The following RHOBTB3 variants were observed in gnomAD, a reference collection of about 807,000 sequenced individuals.
The protein encoded by RHOBTB3 is rho-related BTB domain-containing protein 3.
RHOBTB3 carries 47 observed loss-of-function variants against 67.2 expected under a neutral mutation model. The ratio of observed to expected loss-of-function variants is 0.70; its 90% CI spans 0.55 to 0.89. The LOEUF (loss-of-function observed/expected upper bound fraction) is 0.89. Among genes scored for constraint, RHOBTB3 ranks in the 40% least tolerant of loss-of-function variants. The pLI is 0.00. For synonymous variants in RHOBTB3, 273 were observed against 274.2 expected (o/e 1.00, Z 0.04); for missense variants, 631 against 750.0 (o/e 0.84, Z 1.85).
intron 1 of RHOBTB3, among the ~76,000 whole-genome samples, chr5:95,724,969 A>G (rs1354915110): frequency 6.6e-6 from 1 of 152,094 alleles, no homozygotes; most frequent in African/African-American, 2.4e-5. Flanking sequence ...GAGAGAATCA[A>G]TTGAGTCTAG....
At position 95,796,149 on chromosome 5, in the gene RHOBTB3, G is replaced by A. The variant is rs1284119381; in HGVS notation, c.*2975G>A. 1 of 152,160 alleles carries A rather than the reference G, an allele frequency of 6.6e-6. No homozygotes were observed. Among genetic ancestry groups the A allele is most frequent in the African/African-American group, 2.4e-5 (1 of 41,448 alleles). 9.4% of individuals were successfully genotyped at this position (152,160 alleles called of 1,614,324 possible). ...TCCAAGACAGCTAAACTTTTCAACT[G>A]CAATTTTAAAAACTACACTACACTG... On this transcript the variant is annotated 3_prime_UTR_variant, in exon 12 of 12. Transcript: ENST00000379982.
chr5:95,749,302 T>C (rs1423990338), intron 4 of RHOBTB3, among the ~76,000 whole-genome samples: 1 of 152,256 alleles, frequency 6.6e-6, no homozygotes, highest in Non-Finnish European at 1.5e-5. Context: ...CACCAAGTAC[T>C]CTTTCCAATA....
intron 6 of RHOBTB3, among the ~76,000 whole-genome samples, chr5:95,762,248 A>G (rs1048399577): frequency 6.6e-6 from 1 of 152,216 alleles, no homozygotes; most frequent in African/African-American, 2.4e-5. Flanking sequence ...GGAGAAGTTG[A>G]AAGGATATGC....
intron 7 of RHOBTB3, among the ~76,000 whole-genome samples, chr5:95,765,951 C>G (rs1447215923): frequency 1.3e-5 from 2 of 152,246 alleles, no homozygotes; most frequent in Middle Eastern, 3.4e-3. Context: ...CATGAGCCAC[C>G]GTGCCCAGCC....
chr5:95,752,078 C>A (rs1199888055), intron 4 of RHOBTB3, among the ~76,000 whole-genome samples, 161 bp from the exon 5 acceptor site: 1 of 152,176 alleles, frequency 6.6e-6, no homozygotes, highest in African/African-American at 2.4e-5. Flanking sequence ...CCACTCGATT[C>A]ATTTTTTAAA....
At chr5:95,766,612 AAG>A (rs1745550670) in intron 7 of RHOBTB3, among the ~76,000 whole-genome samples, 1 of 151,534 alleles carries the variant, frequency 6.6e-6, no homozygotes, top group South Asian at 2.1e-4. Context: ...AAAAAAAAAA[AAG>A]AGAAAGAAAG....
chr5:95,775,800 CAA>C (rs956023067), intron 8 of RHOBTB3, among the ~76,000 whole-genome samples: 4 of 146,044 alleles, frequency 2.7e-5, no homozygotes, highest in African/African-American at 1.0e-4. Flanking sequence ...TACACCAAAC[CAA>C]AAAAAAAATT....
chr5:95,742,571 T>C (rs1395058792), intron 3 of RHOBTB3, among the ~76,000 whole-genome samples: 2 of 152,240 alleles, frequency 1.3e-5, no homozygotes, highest in African/African-American at 4.8e-5. Context: ...TTTATCTTTC[T>C]TTTATATTTC....
intron 1 of RHOBTB3, 77 bp from the exon 2 acceptor site, chr5:95,731,782 C>A: frequency 6.2e-7 from 1 of 1,603,718 alleles, no homozygotes; most frequent in Non-Finnish European, 8.5e-7. Flanking sequence ...GCGCTGTCCC[C>A]CGCACTTCCT....
At position 95,763,639 on chromosome 5, in the gene RHOBTB3, AG is replaced by A; in HGVS notation, c.1161+20del. On this transcript the variant is annotated intron_variant, in intron 7 of 11. Coordinates refer to ENST00000379982, the MANE Select transcript of RHOBTB3 (RefSeq NM_014899.4). ...AGGAAAGGTAAGTTGATTTGTTGTA[AG>A]TTAGTTTACTTTGACCCTCTGAATT... The A allele has an allele frequency of 1.4e-6, 2 of 1,439,208 alleles. No homozygotes were observed. The highest frequency in any genetic ancestry group is 2.0e-6 in the Non-Finnish European group (2 of 1,022,088). 89.2% of individuals were successfully genotyped at this position (1,439,208 alleles called of 1,614,324 possible).
At chr5:95,758,595 G>A (rs771801130) in intron 6 of RHOBTB3, among the ~76,000 whole-genome samples, 3 of 152,162 alleles carry the variant, frequency 2.0e-5, no homozygotes, top group Admixed American at 6.5e-5. Context: ...GGAACAGTGC[G>A]GCCAAGACAG....
At chr5:95,768,376 G>A (rs973448093) in intron 8 of RHOBTB3, among the ~76,000 whole-genome samples, 1 of 152,072 alleles carries the variant, frequency 6.6e-6, no homozygotes, top group African/African-American at 2.4e-5. Flanking sequence ...ATTTCCCTTA[G>A]TATTTTTTCC....
chr5:95,728,276 A>G (rs1755118700), upstream of RHOBTB3, among the ~76,000 whole-genome samples: 1 of 152,200 alleles, frequency 6.6e-6, no homozygotes, highest in East Asian at 1.9e-4. Flanking sequence ...CTGCTTTAAT[A>G]TAGAAACCTT....
At chr5:95,759,969 A>G (rs893031204) in intron 6 of RHOBTB3, among the ~76,000 whole-genome samples, 2 of 151,710 alleles carry the variant, frequency 1.3e-5, no homozygotes, top group Non-Finnish European at 2.9e-5. Flanking sequence ...AAAGAACCAG[A>G]TTACAAAGAA....
chr5:95,729,571 T>C (rs536303508), upstream of RHOBTB3, among the ~76,000 whole-genome samples: 13 of 152,378 alleles, frequency 8.5e-5, no homozygotes, highest in African/African-American at 2.9e-4. Flanking sequence ...CGTTCAGTTC[T>C]ATAGTTCAGT....
chr5:95,764,581 AT>A (rs913794549), intron 7 of RHOBTB3, among the ~76,000 whole-genome samples: 3 of 152,146 alleles, frequency 2.0e-5, no homozygotes, highest in African/African-American at 7.2e-5. Flanking sequence ...TAGCCAGTGT[AT>A]TTTTTTGTCT....
At chr5:95,766,648 G>C (rs543219257) in intron 7 of RHOBTB3, among the ~76,000 whole-genome samples, 4 of 151,920 alleles carry the variant, frequency 2.6e-5, no homozygotes, top group Admixed American at 1.3e-4. Context: ...AAAGGGTGGA[G>C]GGTATGGAAA....
intron 4 of RHOBTB3, among the ~76,000 whole-genome samples, chr5:95,749,023 C>T (rs367924279): frequency 1.8e-4 from 27 of 152,128 alleles, no homozygotes; most frequent in African/African-American, 6.0e-4. Context: ...GCTTGGTTGC[C>T]GTGGCGCATA....
intron 8 of RHOBTB3, 108 bp downstream of exon 8, chr5:95,768,274 T>TC: frequency 9.7e-7 from 1 of 1,033,186 alleles, no homozygotes; most frequent in Non-Finnish European, 1.4e-6. Context: ...GATTATTCCC[T>TC]ACTGAGGTAT....
Sources: allele counts gnomAD v4.1 joint callset (sites outside exome capture counted in the v4.1 genomes callset), GRCh38; gene constraint gnomAD v4.1.1; transcripts MANE v1.5; gene names NCBI Gene and HGNC (gene_info 2026-07-23, HGNC 2026-07-21).